Variants in RBFOX2 observed in about 807,000 individuals in gnomAD.
The protein encoded by RBFOX2 is RNA binding protein fox-1 homolog 2.
A neutral mutation model predicts 49.1 loss-of-function variants in RBFOX2; 10 were observed. The ratio of observed to expected loss-of-function variants is 0.20; its 90% CI spans 0.13 to 0.35. RBFOX2 has a LOEUF of 0.35. Among genes scored for constraint, RBFOX2 ranks in the 10% least tolerant of loss-of-function variants. The probability of loss-of-function intolerance (pLI) is 1.00; values close to 1 mark genes in which losing one functional copy is unlikely to be tolerated. For synonymous variants in RBFOX2, 183 were observed against 187.4 expected (o/e 0.98, Z 0.19); for missense variants, 323 against 486.9 (o/e 0.66, Z 3.17).
At chr22:36,024,205 G>A (rs2059345362) in intron 1 of RBFOX2, among the ~76,000 whole-genome samples, 1 of 152,082 alleles carries the variant, frequency 6.6e-6, no homozygotes, top group African/African-American at 2.4e-5. Context: ...AATTTAACAG[G>A]CATTGAGCAC....
intron 1 of RBFOX2, among the ~76,000 whole-genome samples, chr22:35,878,711 G>T (rs1416817126): frequency 6.6e-6 from 1 of 151,998 alleles, no homozygotes; most frequent in East Asian, 1.9e-4. Flanking sequence ...CAAAGTCTTG[G>T]GATTATAGGG....
intron 1 of RBFOX2, among the ~76,000 whole-genome samples, chr22:35,978,509 A>T (rs1428881387): frequency 6.6e-6 from 1 of 152,208 alleles, no homozygotes; most frequent in African/African-American, 2.4e-5. Flanking sequence ...ATTTAAAAGA[A>T]CCAGAGCTTC....
chr22:35,865,334 T>C (rs1385196955), intron 1 of RBFOX2, among the ~76,000 whole-genome samples: 3 of 152,214 alleles, frequency 2.0e-5, no homozygotes, highest in Non-Finnish European at 4.4e-5. Context: ...ATAGCCACTT[T>C]TGTTTTATAT....
rs147772426 is a variant in RBFOX2, at chr22:35,740,087, A to G, written c.*4108T>C. 5.7e-4 allele frequency: 87 copies of G among 152,696 alleles called. 1 individual carries two copies. Among genetic ancestry groups the G allele is most frequent in the African/African-American group, 2.0e-3 (84 of 41,562 alleles). The allele number at this position is 152,696 out of a possible 1,614,324, so 9.5% of individuals were successfully genotyped here. A position where few individuals can be genotyped will look rare whatever the true frequency, so the allele number is the denominator to read the frequency against. On this transcript the variant is annotated 3_prime_UTR_variant, in exon 12 of 12. Coordinates refer to ENST00000405409, the Ensembl canonical transcript of RBFOX2. The stretch of plus-strand genomic sequence containing the variant: ...CTAGTGCATCTGATTGAGGAATCTG[A>G]TAACTTGCTGCAGTCTGGTCTGTTA...
At chr22:36,001,282 CAA>C (rs1223483064) in intron 1 of RBFOX2, among the ~76,000 whole-genome samples, 1 of 148,486 alleles carries the variant, frequency 6.7e-6, no homozygotes, top group Non-Finnish European at 1.5e-5. Flanking sequence ...CAAACAAATC[CAA>C]AAGACAAGTG....
chr22:35,923,515 G>A (rs1405807712), intron 1 of RBFOX2, among the ~76,000 whole-genome samples: 2 of 152,082 alleles, frequency 1.3e-5, no homozygotes, highest in African/African-American at 4.8e-5. Context: ...GAGACTACAG[G>A]TGCACACCAC....
chr22:35,739,233 G>C (rs1424561453), exon 12 of RBFOX2: 1 of 152,616 alleles, frequency 6.6e-6, no homozygotes, highest in Non-Finnish European at 1.5e-5. Flanking sequence ...GGAACAGCAT[G>C]TTGCATGTAG....
At chr22:35,877,239 C>G (rs113616571) in intron 1 of RBFOX2, among the ~76,000 whole-genome samples, 6,783 of 151,038 alleles carry the variant, frequency 0.045, 493 homozygotes, top group African/African-American at 0.16. Context: ...AATAGGGAAG[C>G]AAAAAGTAAT....
chr22:35,909,927 A>T (rs1603446151), intron 1 of RBFOX2, among the ~76,000 whole-genome samples: 1 of 152,304 alleles, frequency 6.6e-6, no homozygotes, highest in Middle Eastern at 3.4e-3. Flanking sequence ...TTTCTTTTTT[A>T]GGCAGAAAAA....
intron 1 of RBFOX2, among the ~76,000 whole-genome samples, chr22:35,848,942 C>G (rs546883745): frequency 6.6e-6 from 1 of 152,120 alleles, no homozygotes; most frequent in South Asian, 2.1e-4. Flanking sequence ...ATTGCTGGAA[C>G]CAGAATCCAG....
At chr22:35,827,837 T>C (rs1956067084) in intron 1 of RBFOX2, among the ~76,000 whole-genome samples, 1 of 152,306 alleles carries the variant, frequency 6.6e-6, no homozygotes, top group Non-Finnish European at 1.5e-5. Context: ...AAGTATGTGT[T>C]CACTCTTCTG....
At chr22:35,907,617 A>G (rs1042495393) in intron 1 of RBFOX2, among the ~76,000 whole-genome samples, 2 of 152,176 alleles carry the variant, frequency 1.3e-5, no homozygotes, top group African/African-American at 4.8e-5. Flanking sequence ...TGTTTTCAAT[A>G]ATAAATTATT....
intron 1 of RBFOX2, among the ~76,000 whole-genome samples, chr22:35,946,933 T>C (rs1269198727): frequency 2.0e-5 from 3 of 152,210 alleles, no homozygotes; most frequent in Admixed American, 1.3e-4. Flanking sequence ...GGCTCACATC[T>C]GTAATCCCAG....
At chr22:36,021,076 A>C (rs1316847458) in intron 1 of RBFOX2, among the ~76,000 whole-genome samples, 2 of 152,092 alleles carry the variant, frequency 1.3e-5, no homozygotes, top group Non-Finnish European at 2.9e-5. Context: ...CTAAAAAAGG[A>C]TGAGTTCACG....
At chr22:35,746,439 G>A in intron 10 of RBFOX2, 34 bp downstream of exon 12, 2 of 1,478,412 alleles carry the variant, frequency 1.4e-6, no homozygotes, top group South Asian at 1.2e-5. Context: ...CAGCTCTCAT[G>A]CATCCCAAAG....
intron 1 of RBFOX2, among the ~76,000 whole-genome samples, chr22:35,823,238 T>C (rs913023812): frequency 6.6e-6 from 1 of 152,180 alleles, no homozygotes; most frequent in Non-Finnish European, 1.5e-5. Context: ...ATCCCCTAAA[T>C]AAACACTGAA....
intron 1 of RBFOX2, among the ~76,000 whole-genome samples, chr22:35,826,037 T>C (rs780955490): frequency 2.8e-4 from 38 of 136,840 alleles, no homozygotes; most frequent in Non-Finnish European, 5.2e-4. Flanking sequence ...AAAAATTCTT[T>C]GCTTTTGGCA....
intron 1 of RBFOX2, among the ~76,000 whole-genome samples, chr22:35,908,564 T>C (rs887470496): frequency 5.3e-5 from 8 of 152,244 alleles, no homozygotes; most frequent in African/African-American, 1.9e-4. Flanking sequence ...TGGTTTCTAC[T>C]GAATGTGTAT....
chr22:35,913,742 T>A (rs953272457), intron 1 of RBFOX2, among the ~76,000 whole-genome samples: 1 of 151,928 alleles, frequency 6.6e-6, no homozygotes, highest in Admixed American at 6.6e-5. Context: ...GTAAAGATAA[T>A]TTTTTAACCT....
Sources: allele counts gnomAD v4.1 joint callset (sites outside exome capture counted in the v4.1 genomes callset), GRCh38; gene constraint gnomAD v4.1.1; transcripts MANE v1.5; gene names NCBI Gene and HGNC (gene_info 2026-07-23, HGNC 2026-07-21).